TMPO: variants seen among roughly 807,000 people sequenced by gnomAD.
The protein encoded by TMPO is LEM domain containing 4.
A neutral mutation model predicts 45.4 loss-of-function variants in TMPO; 22 were observed. That is an observed-to-expected ratio of 0.48 (90% confidence interval 0.35 to 0.69). The LOEUF is 0.69. Ranked by LOEUF, TMPO falls within the 30% of genes least tolerant of loss-of-function variation. The pLI, the probability that TMPO is intolerant of heterozygous loss-of-function variation, is 0.01. For synonymous variants in TMPO, 241 were observed against 204.1 expected, an observed-to-expected ratio of 1.18 and a Z score of -1.54; for missense variants, 512 against 548.8, an observed-to-expected ratio of 0.93 and a Z score of 0.67.
In TMPO at chr12:98,548,532, A is replaced by C. The variant is rs939534175; in HGVS notation, c.*674A>C. 1 of 152,396 alleles carries C rather than the reference A, an allele frequency of 6.6e-6. No individual in the cohort carries two copies. Among genetic ancestry groups the C allele is most frequent in the East Asian group, 1.9e-4 (1 of 5,210 alleles). The allele number at this position is 152,396 out of a possible 1,614,324, so 9.4% of individuals were successfully genotyped here. On this transcript the variant is annotated 3_prime_UTR_variant, in exon 9 of 9. Coordinates refer to ENST00000556029, the MANE Select transcript of TMPO (RefSeq NM_001032283.3). ...TTTAGCAGAGATCTTTTAGTGTAAC[A>C]TACATATTTTAGAGAATTGTTGGCT... is the stretch of plus-strand genomic sequence containing the variant.
Position 98,550,253 on chromosome 12 carries a change from A to T in TMPO, c.*2395A>T, listed in dbSNP as rs1878458865. On this transcript the variant is annotated 3_prime_UTR_variant, in exon 9 of 9. Coordinates refer to ENST00000556029, the MANE Select transcript of TMPO (RefSeq NM_001032283.3). ...TGTAAATGCAAAGCATTTCTTCCTG[A>T]TTAAATTGTAGATGTAGACTTTACA... 1 of 152,228 alleles carries T rather than the reference A, an allele frequency of 6.6e-6. No homozygotes were observed. Among genetic ancestry groups the T allele is most frequent in the South Asian group, 2.1e-4 (1 of 4,832 alleles). The allele number at this position is 152,228 out of a possible 1,614,324, so 9.4% of individuals were successfully genotyped here.
chr12:98,532,939 T>C, intron 3 of TMPO: 2 of 1,614,148 alleles, frequency 1.2e-6, no homozygotes, highest in Non-Finnish European at 1.7e-6. Flanking sequence ...TCCTGAAATC[T>C]CCACCCGTCC....
At chr12:98,526,796 A>G (rs1876793790) in intron 1 of TMPO, among the ~76,000 whole-genome samples, 1 of 152,098 alleles carries the variant, frequency 6.6e-6, no homozygotes, top group Non-Finnish European at 1.5e-5. Context: ...CGTCTCTACT[A>G]AAAGTACAAA....
chr12:98,547,142 C>T (rs1878273984), intron 8 of TMPO, among the ~76,000 whole-genome samples: 1 of 148,172 alleles, frequency 6.7e-6, no homozygotes, highest in South Asian at 2.1e-4. Context: ...GTGGCGTGAT[C>T]TCGGCTCACT....
chr12:98,522,732 G>A (rs1365951745), intron 1 of TMPO, among the ~76,000 whole-genome samples: 1 of 152,226 alleles, frequency 6.6e-6, no homozygotes, highest in Non-Finnish European at 1.5e-5. Context: ...ATAAGTGAAA[G>A]TGACATGTAT....
intron 1 of TMPO, 110 bp from the exon 2 acceptor site, chr12:98,527,776 T>C (rs1876888069): frequency 1.6e-5 from 20 of 1,264,850 alleles, no homozygotes; most frequent in Non-Finnish European, 2.2e-5. Flanking sequence ...GGCCTAATAT[T>C]ACTATAAACC....
chr12:98,523,729 G>A (rs1377973266), intron 1 of TMPO, among the ~76,000 whole-genome samples: 1 of 152,006 alleles, frequency 6.6e-6, no homozygotes, highest in Non-Finnish European at 1.5e-5. Context: ...AGGCTGGAGT[G>A]CAGTGGCGCA....
intron 3 of TMPO, chr12:98,532,142 C>G (rs921256113): frequency 1.4e-5 from 4 of 287,406 alleles, no homozygotes; most frequent in South Asian, 7.9e-5. Context: ...TCGTACTTAC[C>G]TGTACCTATC....
chr12:98,544,063 A>C, intron 4 of TMPO, 167 bp from the exon 5 acceptor site: 1 of 704,920 alleles, frequency 1.4e-6, no homozygotes, highest in Non-Finnish European at 2.3e-6. Context: ...TGATGCCTAA[A>C]TATCAGTTCA....
Position 98,549,809 on chromosome 12 carries a change from A to C in TMPO, c.*1951A>C, listed in dbSNP as rs886578230. ...AGATCTTTCATACACATTTTCACGTACTTTGCAATTGAGACCAGAAAGACT... is the reference window on the plus strand; with the variant it reads ...AGATCTTTCATACACATTTTCACGTCCTTTGCAATTGAGACCAGAAAGACT... On this transcript the variant is annotated 3_prime_UTR_variant, in exon 9 of 9. Transcript: ENST00000556029. 1 of 152,218 alleles carries C rather than the reference A, an allele frequency of 6.6e-6. No individual in the cohort carries two copies. The highest frequency in any genetic ancestry group is 1.5e-5 in the Non-Finnish European group (1 of 68,036). 9.4% of individuals were successfully genotyped at this position (152,218 alleles called of 1,614,324 possible).
intron 4 of TMPO, among the ~76,000 whole-genome samples, chr12:98,539,470 A>AATTT: frequency 9.1e-6 from 1 of 109,928 alleles, no homozygotes; most frequent in East Asian, 2.7e-4. Flanking sequence ...TTTTTAAATT[A>AATTT]CTTTTTTTTT....
At position 98,541,948 on chromosome 12, in the gene TMPO, G is replaced by A. The variant is rs1371242152; in HGVS notation, c.664-2282G>A. ...CCTAGAGATCACTCCATATCGGAACGTAGCCATCTTCCTCATTGCTTTGTA... is the reference window on the plus strand; with the variant it reads ...CCTAGAGATCACTCCATATCGGAACATAGCCATCTTCCTCATTGCTTTGTA... On this transcript the variant is annotated intron_variant, in intron 4 of 8. Coordinates refer to ENST00000556029, the MANE Select transcript of TMPO (RefSeq NM_001032283.3). Among the ~76,000 whole-genome samples the A allele has an allele frequency of 2.0e-5, 3 of 152,210 alleles. No homozygotes were observed. In the East Asian group the frequency reaches 5.8e-4, roughly 29 times the overall value.
intron 3 of TMPO, chr12:98,535,321 A>G (rs1182519898): frequency 1.0e-6 from 1 of 982,800 alleles, no homozygotes; most frequent in African/African-American, 1.7e-5. Flanking sequence ...CAGTATCTGT[A>G]TGTCTGTATA....
At chr12:98,530,853 A>G (rs1877140034) in intron 2 of TMPO, among the ~76,000 whole-genome samples, 1 of 152,242 alleles carries the variant, frequency 6.6e-6, no homozygotes, top group Admixed American at 6.5e-5. Flanking sequence ...CTTCAGTCAA[A>G]AATAGTCATA....
In TMPO at chr12:98,546,550, G is replaced by T. The variant is rs1007020281; in HGVS notation, c.1079+103G>T. 9.8e-5 allele frequency: 94 copies of T among 955,646 alleles called. 1 individual carries two copies. The highest frequency in any genetic ancestry group is 1.6e-4 in the Non-Finnish European group (94 of 592,096). The allele number at this position is 955,646 out of a possible 1,614,324, so 59.2% of individuals were successfully genotyped here. A position where few individuals can be genotyped will look rare whatever the true frequency, so the allele number is the denominator to read the frequency against. ...CTGTACTTCTGCTCAGAATTAAGCT[G>T]TTTTTTTGGAGCCAGGTACAATGGT... On this transcript the variant is annotated intron_variant, in intron 8 of 8. Transcript: ENST00000556029.
At chr12:98,526,990 C>T (rs1323413067) in intron 1 of TMPO, among the ~76,000 whole-genome samples, 4 of 151,650 alleles carry the variant, frequency 2.6e-5, no homozygotes, top group Non-Finnish European at 5.9e-5. Context: ...AAAATCATTT[C>T]TATATATGTA....
At chr12:98,543,903 T>C (rs1314503921) in intron 4 of TMPO, among the ~76,000 whole-genome samples, 2 of 152,220 alleles carry the variant, frequency 1.3e-5, no homozygotes, top group East Asian at 3.8e-4. Context: ...TAGACAGAGA[T>C]GTAGCTCCAA....
rs1878335484 is a variant in TMPO, at chr12:98,548,135, T to C, written c.*277T>C. 2.2e-5 allele frequency: 7 copies of C among 313,642 alleles called. No homozygotes were observed. The South Asian group carries it at 3.0e-4, about 13-fold the overall frequency. The allele number at this position is 313,642 out of a possible 1,614,324, so 19.4% of individuals were successfully genotyped here. A position where few individuals can be genotyped will look rare whatever the true frequency, so the allele number is the denominator to read the frequency against. The stretch of plus-strand genomic sequence containing the variant: ...TTATTTTTTTAATGTGGGCATCTTA[T>C]TTCATTTTTGAAAAAATGTATATGT... On this transcript the variant is annotated 3_prime_UTR_variant, in exon 9 of 9. Coordinates refer to ENST00000556029, the MANE Select transcript of TMPO (RefSeq NM_001032283.3).
At chr12:98,541,498 G>C (rs1343390047) in intron 4 of TMPO, among the ~76,000 whole-genome samples, 1 of 152,154 alleles carries the variant, frequency 6.6e-6, no homozygotes, top group Non-Finnish European at 1.5e-5. Context: ...AAATAATACA[G>C]TATTACTACT....
Sources: allele counts gnomAD v4.1 joint callset (sites outside exome capture counted in the v4.1 genomes callset), GRCh38; gene constraint gnomAD v4.1.1; transcripts MANE v1.5; gene names NCBI Gene and HGNC (gene_info 2026-07-23, HGNC 2026-07-21).